Variants in HAVCR2 observed in about 807,000 individuals in gnomAD.
HAVCR2 encodes the protein hepatitis A virus cellular receptor 2, also known as T cell immunoglobulin mucin 3.
Under a neutral mutation model 24.7 loss-of-function variants are expected in HAVCR2, and 13 were observed. The observed-to-expected ratio is 0.53, with a 90% CI of 0.34 to 0.84. The LOEUF (loss-of-function observed/expected upper bound fraction) is 0.84, where lower values mean the gene tolerates loss of function less well. Among genes scored for constraint, HAVCR2 ranks in the 40% least tolerant of loss-of-function variants. HAVCR2 has a pLI of 0.01. For synonymous variants in HAVCR2, 154 were observed against 143.4 expected (o/e 1.07, Z -0.53); for missense variants, 343 against 371.2 (o/e 0.92, Z 0.62).
At position 157,102,660 on chromosome 5, in the gene HAVCR2, C is replaced by T. The variant is rs186481767; in HGVS notation, c.478+2006G>A. ...AACAAAAACTAAAGGGAAGGCTGGGCGTGGTGGCTTACACCTGTAATCCCA... is the reference window on the plus strand; with the variant it reads ...AACAAAAACTAAAGGGAAGGCTGGGTGTGGTGGCTTACACCTGTAATCCCA... On this transcript the variant is annotated intron_variant, in intron 3 of 6. Coordinates refer to ENST00000307851, the MANE Select transcript of HAVCR2 (RefSeq NM_032782.5). 5.9e-5 allele frequency among the ~76,000 whole-genome samples: 9 copies of T among 151,984 alleles called. No individual in the cohort carries two copies. The East Asian group carries it at 1.6e-3, about 26-fold the overall frequency.
In HAVCR2 at chr5:157,095,328, G is replaced by C; in HGVS notation, c.654C>G (p.Ile218Met). The change falls in exon 5 of 7, where the codon ATC becomes ATG. Residue 218 changes from isoleucine (I) to methionine (M), a missense_variant. Coordinates refer to ENST00000307851, the MANE Select transcript of HAVCR2 (RefSeq NM_032782.5). Reference sequence around the variant, plus strand: ...TACATTTGAAAATTAAAGCGCCGAAGATAAGAGCCAGAGCCAGCCCAGCAC... The same window carrying C: ...TACATTTGAAAATTAAAGCGCCGAACATAAGAGCCAGAGCCAGCCCAGCAC... ...GICAGLALAL[I>M]FGALIFKWYS... The C allele has an allele frequency of 1.2e-6, 2 of 1,613,890 alleles. No individual in the cohort carries two copies. The highest frequency in any genetic ancestry group is 2.2e-5 in the South Asian group (2 of 91,054).
Position 157,086,850 on chromosome 5 carries a change from G to A in HAVCR2, c.*252C>T, listed in dbSNP as rs1409332974. 1.1e-4 allele frequency: 45 copies of A among 428,266 alleles called. No homozygotes were observed. Among genetic ancestry groups the A allele is most frequent in the Non-Finnish European group, 1.1e-4 (27 of 243,406 alleles). 26.5% of individuals were successfully genotyped at this position (428,266 alleles called of 1,614,324 possible). ...GAATTCCTAGTGTATATAAAAGCCC[G>A]TTTGAGCTCTAACATCCATGATTAA... is the stretch of plus-strand genomic sequence containing the variant. On this transcript the variant is annotated 3_prime_UTR_variant, in exon 7 of 7. Coordinates refer to ENST00000307851, the MANE Select transcript of HAVCR2 (RefSeq NM_032782.5).
chr5:157,089,852 A>G (rs922091049), intron 5 of HAVCR2, among the ~76,000 whole-genome samples: 1 of 152,168 alleles, frequency 6.6e-6, no homozygotes, highest in Non-Finnish European at 1.5e-5. Context: ...AGGTCCAATA[A>G]GACCTTTCCA....
chr5:157,098,932 G>A, intron 3 of HAVCR2, 31 bp from the exon 4 acceptor site: 1 of 1,466,864 alleles, frequency 6.8e-7, no homozygotes, highest in South Asian at 1.2e-5. Context: ...AGAGAGAGAG[G>A]AAAAATAGCC....
At chr5:157,097,066 A>G (rs1047255082) in intron 4 of HAVCR2, among the ~76,000 whole-genome samples, 4 of 152,080 alleles carry the variant, frequency 2.6e-5, no homozygotes, top group Non-Finnish European at 5.9e-5. Flanking sequence ...TACTCCTGCA[A>G]TAACAGGAGT....
At chr5:157,095,727 G>C (rs865790468) in intron 4 of HAVCR2, among the ~76,000 whole-genome samples, 2 of 100,532 alleles carry the variant, frequency 2.0e-5, no homozygotes, top group African/African-American at 7.3e-5. Context: ...AAAAAAAAAA[G>C]AGAGAAGGAG....
intron 5 of HAVCR2, among the ~76,000 whole-genome samples, chr5:157,094,495 T>C (rs1757063981): frequency 6.6e-6 from 1 of 151,786 alleles, no homozygotes; most frequent in South Asian, 2.1e-4. Context: ...GTGATTCCTC[T>C]GCCTCAGCCT....
intron 5 of HAVCR2, among the ~76,000 whole-genome samples, chr5:157,089,915 T>C (rs1005564304): frequency 6.6e-6 from 1 of 152,110 alleles, no homozygotes; most frequent in African/African-American, 2.4e-5. Flanking sequence ...AACCTTAGAT[T>C]TCCTTGAAGG....
rs564236165 is a variant in HAVCR2 at position 157,086,998 on chromosome 5, T to C, written c.*104A>G. 38 of 946,488 alleles carry C rather than the reference T, an allele frequency of 4.0e-5. No individual in the cohort carries two copies. In the South Asian group the frequency reaches 5.2e-4, roughly 13 times the overall value. The allele number at this position is 946,488 out of a possible 1,614,324, so 58.6% of individuals were successfully genotyped here. Reference sequence around the variant, plus strand: ...CATTATCTTCTGAAAATGGGAAAACTCTGCTCCATAGCAGTGGACAGAACC... The same window carrying C: ...CATTATCTTCTGAAAATGGGAAAACCCTGCTCCATAGCAGTGGACAGAACC... On this transcript the variant is annotated 3_prime_UTR_variant, in exon 7 of 7. Coordinates refer to ENST00000307851, the MANE Select transcript of HAVCR2 (RefSeq NM_032782.5).
chr5:157,093,685 G>T (rs1394545499), intron 5 of HAVCR2, among the ~76,000 whole-genome samples: 2 of 152,146 alleles, frequency 1.3e-5, no homozygotes, highest in Admixed American at 1.3e-4. Flanking sequence ...AGTGGCTCAC[G>T]CCTGTAATCC....
At chr5:157,106,566 C>T in intron 2 of HAVCR2, 61 bp downstream of exon 2, 2 of 1,407,406 alleles carry the variant, frequency 1.4e-6, no homozygotes, top group Non-Finnish European at 2.0e-6. Flanking sequence ...ACAATCAGTA[C>T]CTTTAATATG....
At chr5:157,106,067 C>A (rs372866440) in intron 2 of HAVCR2, 4 of 152,732 alleles carry the variant, frequency 2.6e-5, no homozygotes, top group African/African-American at 9.7e-5. Context: ...GGGTCTCTAA[C>A]CACTGATCTA....
chr5:157,107,758 G>A (rs568185945), intron 1 of HAVCR2, among the ~76,000 whole-genome samples: 20 of 152,004 alleles, frequency 1.3e-4, no homozygotes, highest in South Asian at 6.2e-4. Context: ...TTACCGGTGC[G>A]GTCACCCTGG....
chr5:157,093,662 A>C (rs1177096923), intron 5 of HAVCR2, among the ~76,000 whole-genome samples: 1 of 152,222 alleles, frequency 6.6e-6, no homozygotes, highest in African/African-American at 2.4e-5. Context: ...AAAGTGTGTG[A>C]GTGGCCAGGC....
Position 157,087,135 on chromosome 5 carries a change from T to C in HAVCR2, c.873A>G (p.Ser291=), listed in dbSNP as rs1382463253. The C allele has an allele frequency of 1.2e-6, 2 of 1,613,812 alleles. No individual in the cohort carries two copies. Among genetic ancestry groups the C allele is most frequent in the African/African-American group, 2.7e-5 (2 of 74,928 alleles). ...YCYVSSRQQP[S]QPLGCRFAMP The stretch of plus-strand genomic sequence containing the variant: ...TTGCAAAGCGACAACCCAAAGGTTG[T>C]GAGGGTTGCTGCCTGCTGCTGACAT... The change falls in exon 7 of 7, where the codon TCA becomes TCG. Residue 291 remains serine (S), a synonymous_variant. Transcript: ENST00000307851.
At chr5:157,093,503 T>G (rs1757042521) in intron 5 of HAVCR2, among the ~76,000 whole-genome samples, 1 of 152,178 alleles carries the variant, frequency 6.6e-6, no homozygotes, top group Non-Finnish European at 1.5e-5. Flanking sequence ...GAACACCCTT[T>G]AGTCTTGAGC....
chr5:157,096,256 C>A (rs1324790527), intron 4 of HAVCR2, among the ~76,000 whole-genome samples: 3 of 151,172 alleles, frequency 2.0e-5, no homozygotes, highest in African/African-American at 7.3e-5. Context: ...AAAAAATTCC[C>A]AGCTCTGCCA....
chr5:157,091,172 C>T (rs1007893823), intron 5 of HAVCR2, among the ~76,000 whole-genome samples: 2 of 152,174 alleles, frequency 1.3e-5, no homozygotes, highest in African/African-American at 4.8e-5. Context: ...AGGCTGGGAA[C>T]GGTGGCTCAC....
At chr5:157,097,605 G>A (rs1054041629) in intron 4 of HAVCR2, among the ~76,000 whole-genome samples, 2 of 151,540 alleles carry the variant, frequency 1.3e-5, no homozygotes, top group African/African-American at 4.8e-5. Flanking sequence ...GCCTTCTAGT[G>A]GTTTTTCTTT....
Sources: allele counts gnomAD v4.1 joint callset (sites outside exome capture counted in the v4.1 genomes callset), GRCh38; gene constraint gnomAD v4.1.1; transcripts MANE v1.5; gene names NCBI Gene and HGNC (gene_info 2026-07-23, HGNC 2026-07-21).